The following MAD1L1 variants were observed in gnomAD, a reference collection of about 807,000 sequenced individuals.
MAD1L1 encodes the protein mitotic spindle assembly checkpoint protein MAD1.
A neutral mutation model predicts 96.9 loss-of-function variants in MAD1L1; 95 were observed. The ratio of observed to expected loss-of-function variants is 0.98; its 90% CI spans 0.83 to 1.16. The LOEUF (loss-of-function observed/expected upper bound fraction) is 1.16, where lower values mean the gene tolerates loss of function less well. Ranked by LOEUF, MAD1L1 falls within the 50% of genes most tolerant of loss-of-function variation. The pLI is 0.00. For synonymous variants in MAD1L1, 473 were observed against 396.6 expected (o/e 1.19, Z -2.29); for missense variants, 1,007 against 954.4 (o/e 1.06, Z -0.73).
chr7:1,845,133 C>T (rs1227094579), intron 18 of MAD1L1, among the ~76,000 whole-genome samples: 1 of 152,252 alleles, frequency 6.6e-6, no homozygotes, highest in East Asian at 1.9e-4. Context: ...CCTAGCAATG[C>T]TGTGTGGCTG....
intron 17 of MAD1L1, among the ~76,000 whole-genome samples, chr7:1,906,836 ACAAG>A (rs1373105622): frequency 1.3e-5 from 2 of 152,202 alleles, no homozygotes; most frequent in African/African-American, 4.8e-5. Flanking sequence ...CAGCTTAACC[ACAAG>A]CAAGCACACA....
At chr7:1,886,328 G>A (rs183480401) in intron 18 of MAD1L1, among the ~76,000 whole-genome samples, 58 of 152,356 alleles carry the variant, frequency 3.8e-4, no homozygotes, top group Non-Finnish European at 7.4e-4. Flanking sequence ...TCACAAGCCT[G>A]CTTCAGAAGG....
intron 11 of MAD1L1, among the ~76,000 whole-genome samples, chr7:2,077,053 CCGCGGCA>C: frequency 6.9e-6 from 1 of 144,382 alleles, no homozygotes; most frequent in African/African-American, 2.7e-5. Context: ...CTTGGTGAGC[CCGCGGCA>C]TGGTGAGCCC....
At chr7:1,894,772 G>A (rs1786762801) in intron 18 of MAD1L1, among the ~76,000 whole-genome samples, 1 of 152,166 alleles carries the variant, frequency 6.6e-6, no homozygotes, top group African/African-American at 2.4e-5. Flanking sequence ...GCAGGACAGA[G>A]TCTGGAGGAG....
intron 14 of MAD1L1, among the ~76,000 whole-genome samples, chr7:2,000,180 C>A (rs561928194): frequency 6.6e-6 from 1 of 152,298 alleles, no homozygotes; most frequent in Non-Finnish European, 1.5e-5. Context: ...TGAGCCCACC[C>A]GGGGCGGAAT....
intron 14 of MAD1L1, among the ~76,000 whole-genome samples, chr7:1,981,045 C>A (rs1211109289): frequency 2.6e-5 from 4 of 152,226 alleles, no homozygotes; most frequent in Non-Finnish European, 5.9e-5. Context: ...CGGCTCACTG[C>A]AACCTCCACC....
Position 2,066,996 on chromosome 7 carries a change from A to G in MAD1L1, c.1218+2198T>C, listed in dbSNP as rs1784903997. Reference sequence around the variant, plus strand: ...GCGGGGCTGCCCTCCTGTGGGGGCCACACTTGTAGCCCAGGCCAAGACCCA... The same window carrying G: ...GCGGGGCTGCCCTCCTGTGGGGGCCGCACTTGTAGCCCAGGCCAAGACCCA... On this transcript the variant is annotated intron_variant, in intron 12 of 18. Transcript: ENST00000265854. Among the ~76,000 whole-genome samples, 3 of 152,328 alleles carry G rather than the reference A, an allele frequency of 2.0e-5. No homozygotes were observed. In the South Asian group the frequency reaches 6.2e-4, roughly 32 times the overall value.
Position 2,157,411 on chromosome 7 carries a change from C to T in MAD1L1, c.987-8173G>A, listed in dbSNP as rs78006361. Among the ~76,000 whole-genome samples, 1,402 of 152,222 alleles carry T rather than the reference C, an allele frequency of 9.2e-3. 21 individuals are homozygous for T. The highest frequency in any genetic ancestry group is 0.032 in the African/African-American group (1,314 of 41,522). ...TCCACACCTCACATGCGTAAGAACC[C>T]GCAAAAACTAAGAGACTGAGAAGAG... On this transcript the variant is annotated intron_variant, in intron 10 of 18. Transcript: ENST00000265854.
chr7:2,137,162 C>G (rs982745338), intron 11 of MAD1L1, among the ~76,000 whole-genome samples: 1 of 152,214 alleles, frequency 6.6e-6, no homozygotes, highest in African/African-American at 2.4e-5. Flanking sequence ...GTTCAGGGCA[C>G]CAAAATACTT....
At chr7:2,081,155 G>C (rs1017901355) in intron 11 of MAD1L1, among the ~76,000 whole-genome samples, 12 of 152,064 alleles carry the variant, frequency 7.9e-5, no homozygotes, top group African/African-American at 2.9e-4. Context: ...AGAGCCAGCG[G>C]GAAGGGTGTT....
At chr7:1,873,102 G>A (rs924293583) in intron 18 of MAD1L1, among the ~76,000 whole-genome samples, 5 of 152,256 alleles carry the variant, frequency 3.3e-5, no homozygotes, top group African/African-American at 4.8e-5. Flanking sequence ...GGAGGAGCGG[G>A]GAGGAGCCCC....
intron 12 of MAD1L1, among the ~76,000 whole-genome samples, chr7:2,060,452 C>T (rs776630564): frequency 3.3e-5 from 5 of 152,024 alleles, no homozygotes; most frequent in Admixed American, 6.5e-5. Context: ...ACGCCGATGC[C>T]GAGATAACGC....
chr7:2,103,546 C>A lies in MAD1L1; in HGVS notation c.1074-34208G>T, dbSNP rs1006150354. ...CGTGCTCTTTGTTGGGCGGGGCAAC[C>A]GCAGATGGGCCAGCACTGGGGCAAA... On this transcript the variant is annotated intron_variant, in intron 11 of 18. Coordinates refer to ENST00000265854, the MANE Select transcript of MAD1L1 (RefSeq NM_001013836.2). This position sits in a 1 kb window ranked among gnomAD's most constrained non-coding sequence, Gnocchi z 4.3. 1.3e-5 allele frequency among the ~76,000 whole-genome samples: 2 copies of A among 152,150 alleles called. No homozygotes were observed. The highest frequency in any genetic ancestry group is 4.1e-4 in the South Asian group (2 of 4,820).
intron 17 of MAD1L1, among the ~76,000 whole-genome samples, chr7:1,910,830 G>A (rs1158884097): frequency 6.6e-6 from 1 of 152,194 alleles, no homozygotes; most frequent in East Asian, 1.9e-4. Context: ...CCCACCTTCT[G>A]GATGGGGAAA....
intron 16 of MAD1L1, among the ~76,000 whole-genome samples, chr7:1,940,935 C>CAGGCCTCAGCCTCCTCTTCCTCCCCCCG (rs1226713950): frequency 2.1e-5 from 2 of 93,954 alleles, no homozygotes; most frequent in Middle Eastern, 5.3e-3. Flanking sequence ...CCCTCCTCCC[C>CAGGCCTCAGCCTCCTCTTCCTCCCCCCG]CAGGCCTCAC....
intron 15 of MAD1L1, among the ~76,000 whole-genome samples, chr7:1,958,118 G>A (rs1238845639): frequency 1.3e-5 from 2 of 152,168 alleles, no homozygotes; most frequent in African/African-American, 2.4e-5. Flanking sequence ...AGCAACCTCG[G>A]GACATCTTCA....
intron 10 of MAD1L1, among the ~76,000 whole-genome samples, chr7:2,198,543 G>A (rs536521100): frequency 1.2e-4 from 18 of 152,216 alleles, no homozygotes; most frequent in African/African-American, 2.2e-4. Context: ...CCGTCCACCC[G>A]GGACAGCAAT....
intron 17 of MAD1L1, among the ~76,000 whole-genome samples, chr7:1,917,511 G>A (rs1012998729): frequency 2.0e-5 from 3 of 152,246 alleles, no homozygotes; most frequent in Admixed American, 1.3e-4. Flanking sequence ...CAGGGGAAGC[G>A]CCTGTTGGAT....
At chr7:1,955,903 T>C (rs751868011) in intron 16 of MAD1L1, among the ~76,000 whole-genome samples, 1 of 146,746 alleles carries the variant, frequency 6.8e-6, no homozygotes, top group Non-Finnish European at 1.5e-5. Flanking sequence ...TAAGAACAGA[T>C]GAAACGAACT....
Sources: gnomAD v4.1 joint callset for allele counts (sites outside exome capture counted in the v4.1 genomes callset) on GRCh38, gnomAD v4.1.1 for gene constraint, Gnocchi (gnomAD v3.1) non-coding constraint, MANE v1.5 for transcripts, NCBI Gene and HGNC (gene_info 2026-07-23, HGNC 2026-07-21) for gene names.